CLYBL: variants seen among roughly 807,000 people sequenced by gnomAD.
CLYBL encodes the protein citramalyl-CoA lyase, mitochondrial.
In CLYBL, 31 loss-of-function variants were observed where a neutral mutation model predicts 38.9. That is an observed-to-expected ratio of 0.80 (90% CI 0.60 to 1.08). CLYBL has a LOEUF of 1.08. Among genes scored for constraint, CLYBL ranks in the 50% least tolerant of loss-of-function variants. CLYBL has a pLI of 0.00. For missense variants in CLYBL, 434 were observed against 411.6 expected (o/e 1.05, Z -0.47); for synonymous variants, 171 against 158.6 (o/e 1.08, Z -0.59).
chr13:99,895,438 C>G (rs982867188), downstream of CLYBL: 2 of 152,260 alleles, frequency 1.3e-5, no homozygotes, highest in African/African-American at 4.8e-5. Context: ...CCCGCGGAGC[C>G]GCTGCCAGGC....
chr13:99,807,348 G>C (rs1226262550), intron 2 of CLYBL, among the ~76,000 whole-genome samples: 1 of 152,170 alleles, frequency 6.6e-6, no homozygotes, highest in Non-Finnish European at 1.5e-5. Flanking sequence ...TCCACTGGCT[G>C]GTATTCAGTT....
intron 1 of CLYBL, among the ~76,000 whole-genome samples, chr13:99,687,503 G>A (rs1334631504): frequency 5.3e-5 from 8 of 152,298 alleles, no homozygotes; most frequent in South Asian, 2.1e-4. Flanking sequence ...TGTAATGTGC[G>A]TTTGTTTCAC....
At chr13:99,676,923 T>A (rs1053695865) in intron 1 of CLYBL, among the ~76,000 whole-genome samples, 1 of 151,642 alleles carries the variant, frequency 6.6e-6, no homozygotes, top group Admixed American at 6.6e-5. Context: ...TTAATAATAT[T>A]CCCAAATGGT....
At chr13:99,762,357 AG>A (rs984868911) in intron 1 of CLYBL, among the ~76,000 whole-genome samples, 3 of 152,178 alleles carry the variant, frequency 2.0e-5, no homozygotes, top group Admixed American at 1.3e-4. Context: ...GGTGAGAGAT[AG>A]GGGTCTAGTT....
chr13:99,728,444 AAT>A (rs2048522482), intron 1 of CLYBL, among the ~76,000 whole-genome samples: 2 of 151,640 alleles, frequency 1.3e-5, no homozygotes, highest in Non-Finnish European at 2.9e-5. Context: ...ACATCCGGCT[AAT>A]TTTTTGTATT....
chr13:99,676,210 T>G (rs201611861), intron 1 of CLYBL, among the ~76,000 whole-genome samples: 2 of 78,510 alleles, frequency 2.5e-5, no homozygotes, highest in Non-Finnish European at 3.4e-5. Context: ...CCTTCCTTCC[T>G]TCCTTCCTTC....
intron 1 of CLYBL, among the ~76,000 whole-genome samples, chr13:99,711,351 C>T (rs186623124): frequency 2.2e-4 from 33 of 151,368 alleles, no homozygotes; most frequent in African/African-American, 7.0e-4. Flanking sequence ...GGTCCACAGA[C>T]GCACACCTTC....
chr13:99,641,147 T>G (rs1291050961), intron 1 of CLYBL, among the ~76,000 whole-genome samples: 1 of 152,216 alleles, frequency 6.6e-6, no homozygotes, highest in Admixed American at 6.5e-5. Context: ...AGATCACCAG[T>G]GCAAGCCTAC....
chr13:99,653,669 T>C (rs892761699), intron 1 of CLYBL, among the ~76,000 whole-genome samples: 2 of 152,232 alleles, frequency 1.3e-5, no homozygotes, highest in African/African-American at 4.8e-5. Context: ...CTCTAGCTTT[T>C]TCTTTTTTTT....
chr13:99,820,693 T>C (rs1230168275), intron 2 of CLYBL, among the ~76,000 whole-genome samples: 2 of 152,186 alleles, frequency 1.3e-5, no homozygotes, highest in African/African-American at 2.4e-5. Context: ...ATTCACCATC[T>C]GGATCAAAAT....
intron 1 of CLYBL, among the ~76,000 whole-genome samples, chr13:99,682,351 C>T (rs961797479): frequency 6.6e-6 from 1 of 152,044 alleles, no homozygotes; most frequent in African/African-American, 2.4e-5. Context: ...AACATATTGG[C>T]CAGGCTGGTT....
intron 1 of CLYBL, among the ~76,000 whole-genome samples, chr13:99,683,080 G>A (rs1230706134): frequency 6.8e-6 from 1 of 147,998 alleles, no homozygotes; most frequent in Non-Finnish European, 1.5e-5. Flanking sequence ...TATATGTTTT[G>A]TTTTGTTTTG....
chr13:99,684,933 A>T (rs2047796125), intron 1 of CLYBL, among the ~76,000 whole-genome samples: 1 of 152,254 alleles, frequency 6.6e-6, no homozygotes, highest in Non-Finnish European at 1.5e-5. Flanking sequence ...TACATTATAT[A>T]TGTGACCAAT....
At chr13:99,608,124 T>C (rs1007579948) in intron 1 of CLYBL, among the ~76,000 whole-genome samples, 1 of 136,964 alleles carries the variant, frequency 7.3e-6, no homozygotes, top group Non-Finnish European at 1.5e-5. Context: ...CAGGCTGGAG[T>C]GCAATGGCGC....
chr13:99,907,550 T>TCACTAACTATA (rs1434983763), intron 9 of CLYBL, among the ~76,000 whole-genome samples: 1 of 152,188 alleles, frequency 6.6e-6, no homozygotes, highest in Non-Finnish European at 1.5e-5. Flanking sequence ...TCCAAATTTT[T>TCACTAACTATA]CACTAACTAT....
chr13:99,630,648 CTG>C (rs2046930495), intron 1 of CLYBL, among the ~76,000 whole-genome samples: 1 of 152,106 alleles, frequency 6.6e-6, no homozygotes, highest in East Asian at 1.9e-4. Flanking sequence ...CACCTTTCCC[CTG>C]TGACCTCCCA....
At chr13:99,743,767 T>C (rs2048797529) in intron 1 of CLYBL, among the ~76,000 whole-genome samples, 1 of 152,216 alleles carries the variant, frequency 6.6e-6, no homozygotes, top group Non-Finnish European at 1.5e-5. Flanking sequence ...TGGTATTTTG[T>C]AATTTAATTG....
intron 1 of CLYBL, among the ~76,000 whole-genome samples, chr13:99,608,024 CG>C (rs2046556489): frequency 7.0e-6 from 1 of 143,318 alleles, no homozygotes; most frequent in African/African-American, 2.6e-5. Context: ...GGATTACAGG[CG>C]TGAGCCACCA....
Position 99,822,338 on chromosome 13 carries a change from G to GGC in CLYBL, c.250-36523_250-36522insGC, listed in dbSNP as rs1363249387. Reference sequence around the variant, plus strand: ...TGTAAATAGCAGAGCAAAACAGCATGACTGGTGGCTGGGAGGCTTAAAACT... The same window carrying GGC: ...TGTAAATAGCAGAGCAAAACAGCATGGCACTGGTGGCTGGGAGGCTTAAAACT... On this transcript the variant is annotated intron_variant, in intron 2 of 8. Coordinates refer to ENST00000339105, the MANE Select transcript of CLYBL (RefSeq NM_206808.5). Among the ~76,000 whole-genome samples, 3 of 152,334 alleles carry GGC rather than the reference G, an allele frequency of 2.0e-5. No homozygotes were observed. In the East Asian group the frequency reaches 5.8e-4, roughly 29 times the overall value.
Sources: gnomAD v4.1 joint callset for allele counts (sites outside exome capture counted in the v4.1 genomes callset) on GRCh38, gnomAD v4.1.1 for gene constraint, MANE v1.5 for transcripts, NCBI Gene and HGNC (gene_info 2026-07-23, HGNC 2026-07-21) for gene names.